Variants in SCFD2 observed in about 807,000 individuals in gnomAD.
SCFD2 encodes sec1 family domain containing 2.
In SCFD2, 54 loss-of-function variants were observed where a neutral mutation model predicts 58.9. The ratio of observed to expected loss-of-function variants is 0.92; its 90% CI spans 0.74 to 1.15. The LOEUF (loss-of-function observed/expected upper bound fraction) is 1.15. Among genes scored for constraint, SCFD2 ranks in the 50% most tolerant of loss-of-function variants. SCFD2 has a pLI of 0.00. For synonymous variants in SCFD2, 321 were observed against 335.9 expected (o/e 0.96, Z 0.49); for missense variants, 805 against 836.6 (o/e 0.96, Z 0.47).
intron 4 of SCFD2, among the ~76,000 whole-genome samples, chr4:53,269,706 GA>G (rs1731101077): frequency 6.6e-6 from 1 of 151,746 alleles, no homozygotes; most frequent in Admixed American, 6.6e-5. Context: ...ATCTTTTTTG[GA>G]AAACCAGACC....
intron 5 of SCFD2, among the ~76,000 whole-genome samples, chr4:53,069,431 C>A (rs1371412352): frequency 6.6e-6 from 1 of 152,038 alleles, no homozygotes; most frequent in Non-Finnish European, 1.5e-5. Context: ...GGGCTGCATA[C>A]AGACTTCATC....
intron 3 of SCFD2, among the ~76,000 whole-genome samples, chr4:53,282,073 T>C (rs1383207705): frequency 1.3e-5 from 2 of 152,202 alleles, no homozygotes; most frequent in Non-Finnish European, 2.9e-5. Flanking sequence ...CTCCTGTACT[T>C]TGAAGATTCA....
At chr4:53,035,475 G>A (rs571454973) in intron 5 of SCFD2, among the ~76,000 whole-genome samples, 10 of 152,294 alleles carry the variant, frequency 6.6e-5, no homozygotes, top group African/African-American at 2.4e-4. Flanking sequence ...ATTGACAAAT[G>A]GGATCTCATT....
intron 5 of SCFD2, among the ~76,000 whole-genome samples, chr4:53,046,231 T>A (rs1362069949): frequency 6.6e-6 from 1 of 152,178 alleles, no homozygotes; most frequent in Non-Finnish European, 1.5e-5. Context: ...TTTATTTTTA[T>A]TTTTTTAGAG....
intron 5 of SCFD2, among the ~76,000 whole-genome samples, chr4:52,945,433 C>T (rs139594238): frequency 6.6e-6 from 1 of 152,192 alleles, no homozygotes. Context: ...TCCTCTCCCC[C>T]TCAACACATA....
At chr4:52,986,677 T>A (rs769321675) in intron 5 of SCFD2, among the ~76,000 whole-genome samples, 1 of 151,872 alleles carries the variant, frequency 6.6e-6, no homozygotes, top group Middle Eastern at 3.4e-3. Context: ...ATTTTTGTAT[T>A]TTTAGTGGAG....
intron 5 of SCFD2, among the ~76,000 whole-genome samples, chr4:53,022,820 T>A (rs1488027738): frequency 6.6e-6 from 1 of 152,214 alleles, no homozygotes; most frequent in African/African-American, 2.4e-5. Flanking sequence ...ATAATAATTA[T>A]AACTGTAGGG....
At chr4:53,294,420 G>C (rs1172241877) in intron 3 of SCFD2, among the ~76,000 whole-genome samples, 1 of 151,854 alleles carries the variant, frequency 6.6e-6, no homozygotes, top group Non-Finnish European at 1.5e-5. Context: ...TTTCATGTTC[G>C]TTGGCTGCAT....
intron 5 of SCFD2, among the ~76,000 whole-genome samples, chr4:52,993,681 C>T (rs1721674927): frequency 6.6e-6 from 1 of 152,152 alleles, no homozygotes; most frequent in Non-Finnish European, 1.5e-5. Context: ...TCATACCAGG[C>T]AAAAGTTGGC....
chr4:53,251,715 G>T (rs1402913666), intron 4 of SCFD2, among the ~76,000 whole-genome samples: 3 of 151,848 alleles, frequency 2.0e-5, no homozygotes, highest in African/African-American at 7.3e-5. Context: ...AATAAATTAG[G>T]TATTGATGGG....
chr4:52,953,284 G>A (rs1287219689), intron 5 of SCFD2, among the ~76,000 whole-genome samples: 1 of 152,152 alleles, frequency 6.6e-6, no homozygotes, highest in African/African-American at 2.4e-5. Flanking sequence ...TGTGTAACTA[G>A]GTTAGTTTGC....
chr4:53,095,919 C>T (rs1006704166), intron 5 of SCFD2, among the ~76,000 whole-genome samples: 29 of 152,026 alleles, frequency 1.9e-4, no homozygotes, highest in African/African-American at 7.0e-4. Context: ...CCTTCCTGTG[C>T]CCAGGTGTTC....
Position 52,900,627 on chromosome 4 carries a change from C to T in SCFD2, c.1842+6830G>A, listed in dbSNP as rs527936050. ...GGAGGCATTCTGCCGGTTCTCAGAT[C>T]TCAAGCTGCGTGCTGGGAGAACCAC... On this transcript the variant is annotated intron_variant, in intron 7 of 8. Coordinates refer to ENST00000401642, the MANE Select transcript of SCFD2 (RefSeq NM_152540.4). Among the ~76,000 whole-genome samples the T allele has an allele frequency of 3.3e-5, 5 of 152,338 alleles. No homozygotes were observed. The South Asian group carries it at 1.0e-3, about 32-fold the overall frequency.
At chr4:53,161,871 G>T (rs1726863419) in intron 4 of SCFD2, among the ~76,000 whole-genome samples, 1 of 152,110 alleles carries the variant, frequency 6.6e-6, no homozygotes, top group Non-Finnish European at 1.5e-5. Context: ...AAAACCCAGG[G>T]TTTTTAAAAT....
At chr4:52,895,923 C>T (rs1033999128) in intron 7 of SCFD2, among the ~76,000 whole-genome samples, 17 of 152,174 alleles carry the variant, frequency 1.1e-4, no homozygotes, top group Admixed American at 3.9e-4. Flanking sequence ...TGGTGATGAG[C>T]ATTTTTTCAT....
At chr4:53,094,442 A>G (rs1335649904) in intron 5 of SCFD2, among the ~76,000 whole-genome samples, 1 of 151,996 alleles carries the variant, frequency 6.6e-6, no homozygotes, top group African/African-American at 2.4e-5. Flanking sequence ...CCCTTATTTC[A>G]TAAGGATGGT....
At chr4:53,127,207 T>C (rs1361101219) in intron 5 of SCFD2, among the ~76,000 whole-genome samples, 1 of 152,206 alleles carries the variant, frequency 6.6e-6, no homozygotes, top group East Asian at 1.9e-4. Context: ...TTAAAAACTC[T>C]CATCCAAAAC....
At chr4:53,068,362 A>G (rs1171133848) in intron 5 of SCFD2, among the ~76,000 whole-genome samples, 3 of 152,080 alleles carry the variant, frequency 2.0e-5, no homozygotes, top group Non-Finnish European at 4.4e-5. Flanking sequence ...TCTATTTTAG[A>G]TAAGCATTAG....
At chr4:53,215,694 T>C (rs1261371620) in intron 4 of SCFD2, among the ~76,000 whole-genome samples, 2 of 151,802 alleles carry the variant, frequency 1.3e-5, no homozygotes, top group African/African-American at 4.8e-5. Context: ...AAAACAGGAG[T>C]GGTGAGAGAG....
Sources: allele counts gnomAD v4.1 joint callset (sites outside exome capture counted in the v4.1 genomes callset), GRCh38; gene constraint gnomAD v4.1.1; transcripts MANE v1.5; gene names NCBI Gene and HGNC (gene_info 2026-07-23, HGNC 2026-07-21).